The following VPS9D1 variants were observed in gnomAD, a reference collection of about 807,000 sequenced individuals.
VPS9D1 encodes VPS9 domain containing 1.
A neutral mutation model predicts 75.8 loss-of-function variants in VPS9D1; 78 were observed. The ratio of observed to expected loss-of-function variants is 1.03; its 90% CI spans 0.86 to 1.24. The LOEUF is 1.24. Ranked by LOEUF, VPS9D1 falls within the 50% of genes most tolerant of loss-of-function variation. The probability of loss-of-function intolerance (pLI) is 0.00; values close to 1 mark genes in which losing one functional copy is unlikely to be tolerated. For missense variants in VPS9D1, 1,057 were observed against 847.7 expected (o/e 1.25, Z -3.07); for synonymous variants, 481 against 385.6 (o/e 1.25, Z -2.90).
At position 89,712,084 on chromosome 16, in the gene VPS9D1, C is replaced by G; in HGVS notation, c.622G>C (p.Glu208Gln). The change falls in exon 7 of 15, where the codon GAG becomes CAG. Residue 208 changes from glutamate (E) to glutamine (Q), a missense_variant. Transcript: ENST00000389386. ...TCCTGGAGCCGCAGCCGGCGCTCCT[C>G]CATCTTTCTCTGGAGCTGGGTGCAG... ...AREETLQRKMEERRLRLQEAA... is the reference protein window; with the variant it reads ...AREETLQRKMQERRLRLQEAA... 1 of 1,548,434 alleles carries G rather than the reference C, an allele frequency of 6.5e-7. No homozygotes were observed. Among genetic ancestry groups the G allele is most frequent in the Non-Finnish European group, 8.7e-7 (1 of 1,146,814 alleles).
In VPS9D1 at chr16:89,711,048, G is replaced by A. The variant is rs1403205174; in HGVS notation, c.834-38C>T. 7.0e-6 allele frequency: 10 copies of A among 1,431,710 alleles called. No homozygotes were observed. The African/African-American group carries it at 7.2e-5, about 10-fold the overall frequency. 88.7% of individuals were successfully genotyped at this position (1,431,710 alleles called of 1,614,324 possible). A position where few individuals can be genotyped will look rare whatever the true frequency, so the allele number is the denominator to read the frequency against. ...AGGACGTGAGAACGCGGCCAGCCTC[G>A]GCCTCTCCGTGGCATCCACAGGTGC... is the stretch of plus-strand genomic sequence containing the variant. On this transcript the variant is annotated intron_variant, in intron 9 of 14. Coordinates refer to ENST00000389386, the MANE Select transcript of VPS9D1 (RefSeq NM_004913.3).
At chr16:89,718,700 G>A (rs2061153230) in intron 2 of VPS9D1, among the ~76,000 whole-genome samples, 2 of 151,386 alleles carry the variant, frequency 1.3e-5, no homozygotes. Context: ...GCTCAGCCAT[G>A]CCTTTTTCTT....
intron 4 of VPS9D1, among the ~76,000 whole-genome samples, chr16:89,713,931 G>A (rs1041326949): frequency 4.6e-5 from 7 of 151,930 alleles, no homozygotes; most frequent in African/African-American, 1.4e-4. Context: ...AAATCACTGA[G>A]GTTTTTTTGC....
chr16:89,714,275 G>T (rs2061010342), intron 4 of VPS9D1, among the ~76,000 whole-genome samples: 2 of 151,992 alleles, frequency 1.3e-5, no homozygotes, highest in Non-Finnish European at 1.5e-5. Flanking sequence ...GCTGTTGTTA[G>T]TGTTAGCGTA....
chr16:89,708,873 TG>T lies in VPS9D1; in HGVS notation c.1680del (p.Ile561SerfsTer20). The T allele has an allele frequency of 6.3e-7, 1 of 1,583,012 alleles. No homozygotes were observed. The highest frequency in any genetic ancestry group is 1.2e-5 in the South Asian group (1 of 85,708). Reference sequence around the variant, plus strand: ...GGGACTCACATGGCAGCTGCAGCGATGGGCGGGGGCCCGGCCTGGGGTGTGG... The same window carrying T: ...GGGACTCACATGGCAGCTGCAGCGATGGCGGGGGCCCGGCCTGGGGTGTGG... ...PEATPQAGPP[P>X]IAAAAIGADD... On this transcript the variant is annotated frameshift_variant, in exon 13 of 15. Coordinates refer to ENST00000389386, the MANE Select transcript of VPS9D1 (RefSeq NM_004913.3). LOFTEE classifies it high-confidence loss of function.
intron 6 of VPS9D1, 161 bp from the exon 7 acceptor site, chr16:89,712,260 C>T: frequency 4.5e-6 from 6 of 1,334,368 alleles, no homozygotes; most frequent in Non-Finnish European, 6.2e-6. Context: ...TGCGCTCAAG[C>T]CAGGAGGGCC....
At chr16:89,712,392 C>G in intron 6 of VPS9D1, 68 bp downstream of exon 6, 1 of 1,601,218 alleles carries the variant, frequency 6.2e-7, no homozygotes, top group African/African-American at 1.3e-5. Flanking sequence ...CTGCCCCCTT[C>G]TCTGCCCTTG....
At chr16:89,714,370 G>A (rs2061012525) in intron 4 of VPS9D1, among the ~76,000 whole-genome samples, 1 of 152,174 alleles carries the variant, frequency 6.6e-6, no homozygotes, top group Admixed American at 6.5e-5. Context: ...GGCACTATGT[G>A]GGTCAAACAG....
intron 4 of VPS9D1, among the ~76,000 whole-genome samples, chr16:89,713,807 G>A (rs2060997829): frequency 6.6e-6 from 1 of 151,486 alleles, no homozygotes; most frequent in African/African-American, 2.4e-5. Context: ...AGGAGATTGA[G>A]ACCATCCTGG....
Position 89,716,801 on chromosome 16 carries a change from G to C in VPS9D1, c.197C>G (p.Pro66Arg). ...TAGCTTCAGCATCTTGGAGGTGTCG[G>C]GGGGCACAGTTTCCCCAGCTTCTGG... is the stretch of plus-strand genomic sequence containing the variant. The part of the protein sequence containing the change: ...TTKEAGETVP[P>R]DTSKMLKLAQ... The change falls in exon 3 of 15, where the codon CCC (proline) becomes CGC (arginine). Residue 66 changes from proline to arginine, a missense_variant. By Grantham distance (103) the Pro-to-Arg change is moderately radical. Coordinates refer to ENST00000389386, the MANE Select transcript of VPS9D1 (RefSeq NM_004913.3). 6.3e-7 allele frequency: 1 copy of C among 1,592,932 alleles called. No individual in the cohort carries two copies. The highest frequency in any genetic ancestry group is 1.1e-5 in the South Asian group (1 of 88,284).
intron 14 of VPS9D1, among the ~76,000 whole-genome samples, 173 bp from the exon 15 acceptor site, chr16:89,708,127 G>A (rs376712197): frequency 2.6e-5 from 4 of 152,224 alleles, no homozygotes; most frequent in Non-Finnish European, 4.4e-5. Flanking sequence ...CTATGTGCTC[G>A]TCCTTGGACG....
rs2060838780 is a variant in VPS9D1, at chr16:89,708,443, C to T, written c.1786G>A (p.Glu596Lys). ...AGGGTCTACCCCTCGTGGATGAACT[C>T]CTCCAGGGCCGCGCACTCCGACACC... is the stretch of plus-strand genomic sequence containing the variant. The part of the protein sequence containing the change: ...QLVSECAALE[E>K]FIHEGYLIGE... Residue 596 changes from glutamate (E) to lysine (K), a missense_variant, in exon 14 of 15, where the codon GAG becomes AAG. By Grantham distance (56) the Glu-to-Lys change is moderately conservative. Transcript: ENST00000389386. 1.2e-6 allele frequency: 2 copies of T among 1,612,318 alleles called. No individual in the cohort carries two copies. The highest frequency in any genetic ancestry group is 1.7e-6 in the Non-Finnish European group (2 of 1,179,668).
intron 10 of VPS9D1, 111 bp downstream of exon 10, chr16:89,710,475 T>A (rs1348821868): frequency 1.6e-5 from 19 of 1,205,898 alleles, no homozygotes; most frequent in Non-Finnish European, 2.0e-5. Context: ...TGGATGTAAG[T>A]CTGATCAGAG....
chr16:89,707,618 C>T lies in VPS9D1; in HGVS notation c.*243G>A. The T allele has an allele frequency of 2.0e-6, 1 of 501,570 alleles. No individual in the cohort carries two copies. The highest frequency in any genetic ancestry group is 3.6e-6 in the Non-Finnish European group (1 of 277,292). 31.1% of individuals were successfully genotyped at this position (501,570 alleles called of 1,614,324 possible). ...TACACAGGAGAGCAGGGCCTGGTTCCTCCTGGAGCTGATTCAGCCCCATTC... is the reference window on the plus strand; with the variant it reads ...TACACAGGAGAGCAGGGCCTGGTTCTTCCTGGAGCTGATTCAGCCCCATTC... On this transcript the variant is annotated 3_prime_UTR_variant, in exon 15 of 15. Transcript: ENST00000389386.
intron 4 of VPS9D1, among the ~76,000 whole-genome samples, chr16:89,715,659 C>CT (rs2061046921): frequency 6.6e-6 from 1 of 151,596 alleles, no homozygotes; most frequent in Non-Finnish European, 1.5e-5. Context: ...GTAGTTGGGA[C>CT]TACAGGGGCA....
chr16:89,711,441 C>A, intron 8 of VPS9D1, 29 bp from the exon 9 acceptor site: 1 of 1,577,944 alleles, frequency 6.3e-7, no homozygotes, highest in Non-Finnish European at 8.6e-7. Context: ...TGAAGGAAAG[C>A]ACGGTGGGTC....
chr16:89,710,625 G>C lies in VPS9D1; in HGVS notation c.1219C>G (p.Gln407Glu). 1 of 1,609,900 alleles carries C rather than the reference G, an allele frequency of 6.2e-7. No homozygotes were observed. The highest frequency in any genetic ancestry group is 1.3e-5 in the African/African-American group (1 of 74,972). Residue 407 changes from glutamine to glutamate, a missense_variant, in exon 10 of 15, where the codon CAG (glutamine) becomes GAG (glutamate). Physicochemically the swap from Gln to Glu is conservative, Grantham distance 29 (BLOSUM62 2). Transcript: ENST00000389386. Reference protein sequence around the residue: ...RGVQPEPQLQQLKTAVEEIHN... With the variant: ...RGVQPEPQLQELKTAVEEIHN... ...ATCTCCTCCACCGCGGTCTTCAGCT[G>C]CTGCAGCTGGGGCTCCGGCTGTACC...
chr16:89,711,860 C>A, intron 8 of VPS9D1, 22 bp downstream of exon 8: 1 of 1,549,302 alleles, frequency 6.5e-7, no homozygotes, highest in Non-Finnish European at 8.7e-7. Flanking sequence ...TCCTACAAAG[C>A]CTGGGCCCGT....
intron 2 of VPS9D1, chr16:89,717,575 T>C (rs1413457842): frequency 2.2e-6 from 1 of 456,072 alleles, no homozygotes; most frequent in Admixed American, 2.4e-5. Flanking sequence ...CCTGCTGCCC[T>C]TCACAGAAAA....
Sources: gnomAD v4.1 joint callset for allele counts (sites outside exome capture counted in the v4.1 genomes callset) on GRCh38, gnomAD v4.1.1 for gene constraint, MANE v1.5 for transcripts, NCBI Gene and HGNC (gene_info 2026-07-23, HGNC 2026-07-21) for gene names.